The following SMARCC1 variants were observed in gnomAD, a reference collection of about 807,000 sequenced individuals.
SMARCC1 encodes the protein SWI/SNF complex subunit SMARCC1.
A neutral mutation model predicts 147.4 loss-of-function variants in SMARCC1; 43 were observed. That is an observed-to-expected ratio of 0.29 (90% CI 0.23 to 0.38). SMARCC1 has a LOEUF of 0.38. Ranked by LOEUF, SMARCC1 falls within the 10% of genes least tolerant of loss-of-function variation. The pLI, the probability that SMARCC1 is intolerant of heterozygous loss-of-function variation, is 1.00. For synonymous variants in SMARCC1, 495 were observed against 484.4 expected (o/e 1.02, Z -0.29); for missense variants, 1,119 against 1,381.1 (o/e 0.81, Z 3.01).
chr3:47,694,470 C>T lies in SMARCC1; in HGVS notation c.1166-1170G>A, dbSNP rs1010169242. 3.3e-5 allele frequency among the ~76,000 whole-genome samples: 5 copies of T among 152,096 alleles called. No individual in the cohort carries two copies. In the East Asian group the frequency reaches 7.7e-4, roughly 23 times the overall value. ...CAAAAACTAGCTGGGCATGGTGGTGCGCATGTGTAATCCCAGCTGCTCGGG... is the reference window on the plus strand; with the variant it reads ...CAAAAACTAGCTGGGCATGGTGGTGTGCATGTGTAATCCCAGCTGCTCGGG... On this transcript the variant is annotated intron_variant, in intron 11 of 27. Transcript: ENST00000254480.
At chr3:47,676,465 G>A (rs2033575382) in intron 17 of SMARCC1, among the ~76,000 whole-genome samples, 164 bp downstream of exon 17, 1 of 151,962 alleles carries the variant, frequency 6.6e-6, no homozygotes, top group Non-Finnish European at 1.5e-5. Context: ...ATATTCTTTT[G>A]GACTGTAATA....
At chr3:47,669,418 G>C (rs1366294652) in intron 19 of SMARCC1, among the ~76,000 whole-genome samples, 2 of 152,118 alleles carry the variant, frequency 1.3e-5, no homozygotes, top group East Asian at 3.8e-4. Flanking sequence ...CAATACAAAA[G>C]TGTGTTTATA....
intron 26 of SMARCC1, among the ~76,000 whole-genome samples, chr3:47,595,779 G>T (rs2032267330): frequency 1.4e-5 from 2 of 147,522 alleles, no homozygotes; most frequent in African/African-American, 2.5e-5. Flanking sequence ...CTGTTGCCCA[G>T]GCTGGAGTGC....
At chr3:47,691,023 A>G (rs906443914) in intron 12 of SMARCC1, among the ~76,000 whole-genome samples, 8 of 152,156 alleles carry the variant, frequency 5.3e-5, no homozygotes, top group African/African-American at 1.9e-4. Flanking sequence ...TGACTTAATA[A>G]TCTCTCCCAT....
intron 11 of SMARCC1, among the ~76,000 whole-genome samples, chr3:47,694,200 G>A (rs1364691957): frequency 6.6e-6 from 1 of 152,068 alleles, no homozygotes; most frequent in Non-Finnish European, 1.5e-5. Flanking sequence ...ATATTTCACT[G>A]TTCAAAAACA....
At chr3:47,637,810 T>C (rs573606384) in intron 22 of SMARCC1, among the ~76,000 whole-genome samples, 66 of 152,150 alleles carry the variant, frequency 4.3e-4, no homozygotes, top group Non-Finnish European at 8.5e-4. Flanking sequence ...AGAAGAGAGA[T>C]TGAGCCACTA....
At chr3:47,735,592 A>C (rs2034431985) in intron 5 of SMARCC1, among the ~76,000 whole-genome samples, 1 of 152,128 alleles carries the variant, frequency 6.6e-6, no homozygotes, top group Non-Finnish European at 1.5e-5. Context: ...CAACATGGCA[A>C]AACCCCACCT....
intron 24 of SMARCC1, among the ~76,000 whole-genome samples, chr3:47,626,136 C>T (rs118088757): frequency 0.01 from 1,577 of 151,490 alleles, 13 homozygotes; most frequent in East Asian, 0.019. Flanking sequence ...GCCTGGGTGA[C>T]AGAGCGAGGC....
At chr3:47,622,387 A>C (rs769932085) in intron 24 of SMARCC1, 46 bp from the exon 25 acceptor site, 31 of 1,578,878 alleles carry the variant, frequency 2.0e-5, no homozygotes, top group Non-Finnish European at 2.6e-5. Context: ...ACATTTGCTT[A>C]AAGAACATTA....
At chr3:47,733,082 G>A (rs2106825628) in intron 5 of SMARCC1, among the ~76,000 whole-genome samples, 1 of 152,138 alleles carries the variant, frequency 6.6e-6, no homozygotes, top group South Asian at 2.1e-4. Context: ...GCTCCAGCTG[G>A]GCGACAGAGA....
chr3:47,687,685 T>A (rs1288641388), intron 13 of SMARCC1, among the ~76,000 whole-genome samples: 1 of 152,140 alleles, frequency 6.6e-6, no homozygotes, highest in African/African-American at 2.4e-5. Context: ...GCTGGCTGGT[T>A]TTGAACTCCT....
intron 25 of SMARCC1, among the ~76,000 whole-genome samples, chr3:47,620,966 T>G (rs1278598603): frequency 6.6e-6 from 1 of 152,072 alleles, no homozygotes; most frequent in Non-Finnish European, 1.5e-5. Context: ...ATAACTAATA[T>G]TCAACCCAGT....
chr3:47,678,984 G>T (rs1478475463), intron 15 of SMARCC1, among the ~76,000 whole-genome samples: 1 of 152,112 alleles, frequency 6.6e-6, no homozygotes, highest in Non-Finnish European at 1.5e-5. Context: ...GCAATAAGTA[G>T]AATCCATGAG....
intron 11 of SMARCC1, among the ~76,000 whole-genome samples, chr3:47,700,785 C>T (rs2033908248): frequency 6.6e-6 from 1 of 152,110 alleles, no homozygotes; most frequent in Non-Finnish European, 1.5e-5. Flanking sequence ...TTGGTCTCCC[C>T]AAGTGCTGGG....
In SMARCC1 at chr3:47,708,074, AT is replaced by A. The variant is rs1323957181; in HGVS notation, c.919-1545del. Among the ~76,000 whole-genome samples the A allele has an allele frequency of 2.2e-4, 9 of 41,668 alleles. 1 individual carries two copies. The South Asian group carries it at 4.0e-3, about 19-fold the overall frequency. 27.3% of individuals were successfully genotyped at this position (41,668 alleles called of 152,430 possible). A position where few individuals can be genotyped will look rare whatever the true frequency, so the allele number is the denominator to read the frequency against. On this transcript the variant is annotated intron_variant, in intron 9 of 27. Transcript: ENST00000254480. ...AATGATACAGTAAATCTGAAGTTGA[AT>A]TTTTTTTCTTTTTTTTTTTTTTTTT...
In SMARCC1 at chr3:47,729,080, A is replaced by T; in HGVS notation, c.591T>A (p.Asp197Glu). The T allele has an allele frequency of 1.2e-6, 2 of 1,611,912 alleles. No homozygotes were observed. Among genetic ancestry groups the T allele is most frequent in the Non-Finnish European group, 1.7e-6 (2 of 1,178,378 alleles). Reference sequence around the variant, plus strand: ...TGTGGTGGGAAGCTTTTGACTTCTCATCCGTAAATGTTCCCTGGAAAGCAA... The same window carrying T: ...TGTGGTGGGAAGCTTTTGACTTCTCTTCCGTAAATGTTCCCTGGAAAGCAA... ...IIKRHQGTFT[D>E]EKSKASHHIY... The change falls in exon 6 of 28, where the codon GAT becomes GAA. Residue 197 changes from aspartate (D) to glutamate (E), a missense_variant. Coordinates refer to ENST00000254480, the MANE Select transcript of SMARCC1 (RefSeq NM_003074.4).
intron 21 of SMARCC1, among the ~76,000 whole-genome samples, chr3:47,648,066 C>G (rs1378199803): frequency 6.6e-6 from 1 of 152,190 alleles, no homozygotes; most frequent in Non-Finnish European, 1.5e-5. Context: ...ATGACCTCGG[C>G]TCAATGCAGT....
At chr3:47,697,099 T>A (rs531905538) in intron 11 of SMARCC1, among the ~76,000 whole-genome samples, 1 of 152,146 alleles carries the variant, frequency 6.6e-6, no homozygotes, top group African/African-American at 2.4e-5. Flanking sequence ...GGAGGGTAGA[T>A]TGCTTGAGCT....
rs189534174 is a variant in SMARCC1, at chr3:47,706,504, A to G, written c.945T>C (p.Asp315=). ...TTCGAGCATTAGCTGATGCTTTTCT[A>G]TCTCTTCTTTCTGGACTTCTGACTG... is the stretch of plus-strand genomic sequence containing the variant. ...EEPVRSPERR[D]RKASANARKR... is the part of the protein sequence containing the mutation. The change falls in exon 10 of 28, where the codon GAT becomes GAC. Residue 315 remains aspartate (D), a synonymous_variant. Coordinates refer to ENST00000254480, the MANE Select transcript of SMARCC1 (RefSeq NM_003074.4). 1.7e-4 allele frequency: 265 copies of G among 1,583,374 alleles called. 3 individuals carry two copies. In the Admixed American group the frequency reaches 4.7e-3, roughly 28 times the overall value.
Sources: gnomAD v4.1 joint callset for allele counts (sites outside exome capture counted in the v4.1 genomes callset) on GRCh38, gnomAD v4.1.1 for gene constraint, MANE v1.5 for transcripts, NCBI Gene and HGNC (gene_info 2026-07-23, HGNC 2026-07-21) for gene names.